The following RACGAP1 variants were observed in gnomAD, a reference collection of about 807,000 sequenced individuals.
The protein encoded by RACGAP1 is rac GTPase-activating protein 1.
Under a neutral mutation model 78.1 loss-of-function variants are expected in RACGAP1, and 30 were observed. The observed-to-expected ratio is 0.38, with a 90% confidence interval of 0.29 to 0.52. The LOEUF (loss-of-function observed/expected upper bound fraction) is 0.52, where lower values mean the gene tolerates loss of function less well. RACGAP1 is among the 20% of genes least tolerant of loss of function. The probability of loss-of-function intolerance (pLI) is 0.82; values close to 1 mark genes in which losing one functional copy is unlikely to be tolerated. For missense variants in RACGAP1, 587 were observed against 777.1 expected (o/e 0.76, Z 2.91); for synonymous variants, 231 against 264.8 (o/e 0.87, Z 1.24).
intron 7 of RACGAP1, among the ~76,000 whole-genome samples, chr12:50,000,302 C>T (rs868025236): frequency 5.9e-5 from 9 of 152,092 alleles, no homozygotes; most frequent in Non-Finnish European, 1.0e-4. Flanking sequence ...CGTGAGCCAC[C>T]GCGCCTGGCC....
chr12:50,003,569 G>A (rs908316771), intron 5 of RACGAP1, among the ~76,000 whole-genome samples: 2 of 152,062 alleles, frequency 1.3e-5, no homozygotes, highest in African/African-American at 4.8e-5. Flanking sequence ...GATTTGTTTT[G>A]TTTGCTAGTT....
At chr12:50,018,474 G>C (rs1949804665) in intron 1 of RACGAP1, 1 of 1,154,900 alleles carries the variant, frequency 8.7e-7, no homozygotes, top group African/African-American at 1.6e-5. Context: ...GGAATTCATG[G>C]AGATGCCATG....
intron 1 of RACGAP1, chr12:50,016,963 A>G (rs1949718420): frequency 8.0e-7 from 1 of 1,252,746 alleles, no homozygotes; most frequent in East Asian, 3.5e-5. Flanking sequence ...AGCCCCTCCA[A>G]TCACTTGGAG....
chr12:50,004,192 G>A (rs773589726), intron 5 of RACGAP1, 43 bp downstream of exon 5: 1 of 1,581,132 alleles, frequency 6.3e-7, no homozygotes, highest in East Asian at 2.3e-5. Context: ...GGGAAGCAGA[G>A]GTAAGAAAAG....
chr12:50,005,616 C>CT (rs1332197731), intron 3 of RACGAP1, among the ~76,000 whole-genome samples: 1 of 152,144 alleles, frequency 6.6e-6, no homozygotes. Context: ...GAAGTTTCTG[C>CT]TACAAGACTT....
chr12:50,025,153 C>T (rs1950219457), intron 1 of RACGAP1, among the ~76,000 whole-genome samples: 1 of 152,142 alleles, frequency 6.6e-6, no homozygotes, highest in African/African-American at 2.4e-5. Context: ...CTCAAAAAGA[C>T]GCCCCCGGCT....
At chr12:50,009,046 G>A (rs997784552) in intron 2 of RACGAP1, among the ~76,000 whole-genome samples, 1 of 151,834 alleles carries the variant, frequency 6.6e-6, no homozygotes, top group Non-Finnish European at 1.5e-5. Flanking sequence ...GGAGGCTAAG[G>A]CAGGCAGATC....
At position 50,006,492 on chromosome 12, in the gene RACGAP1, T is replaced by C. The variant is rs776339543; in HGVS notation, c.230A>G (p.Asn77Ser). The stretch of plus-strand genomic sequence containing the variant: ...CCGTTTGATCTCTACATCCACCTGA[T>C]TACGTGCATGCTTCAGCTTAACATC... ...ALDVKLKHAR[N>S]QVDVEIKRRQ... The change falls in exon 3 of 17, where the codon AAT becomes AGT. Residue 77 changes from asparagine (N) to serine (S), a missense_variant. By Grantham distance (46) the Asn-to-Ser change is conservative. Coordinates refer to ENST00000312377, the MANE Select transcript of RACGAP1 (RefSeq NM_001319999.2). 1.9e-6 allele frequency: 3 copies of C among 1,614,194 alleles called. No homozygotes were observed. The highest frequency in any genetic ancestry group is 1.7e-6 in the Non-Finnish European group (2 of 1,180,016).
intron 2 of RACGAP1, among the ~76,000 whole-genome samples, chr12:50,008,134 A>T (rs1443203876): frequency 1.4e-5 from 2 of 143,026 alleles, no homozygotes; most frequent in South Asian, 2.2e-4. Context: ...TACCTGATTA[A>T]TATATTACTT....
Position 49,997,479 on chromosome 12 carries a change from T to C in RACGAP1, c.880-275A>G, listed in dbSNP as rs370013638. Among the ~76,000 whole-genome samples the C allele has an allele frequency of 1.6e-4, 24 of 152,218 alleles. No homozygotes were observed. The South Asian group carries it at 4.6e-3, about 29-fold the overall frequency. On this transcript the variant is annotated intron_variant, in intron 9 of 16. Coordinates refer to ENST00000312377, the MANE Select transcript of RACGAP1 (RefSeq NM_001319999.2). The stretch of plus-strand genomic sequence containing the variant: ...TTAGTAGAGACAGGGTTTCACCATG[T>C]TGGCCAGGCTGGTCTCGAACTCCTG...
chr12:50,005,127 C>G, intron 4 of RACGAP1, 129 bp downstream of exon 4: 1 of 1,359,454 alleles, frequency 7.4e-7, no homozygotes, highest in Non-Finnish European at 1.0e-6. Flanking sequence ...ACCTACTCTC[C>G]CCACAAAATC....
rs765698830 is a variant in RACGAP1 at position 50,016,666 on chromosome 12, C to T, written c.50G>A (p.Arg17His). Residue 17 changes from arginine to histidine, a missense_variant, in exon 2 of 17, where the codon CGC becomes CAC. Arg to His is a conservative substitution (Grantham distance 29). Transcript: ENST00000312377. ...TCCTTCACTGAGAATCTCCACCCGG[C>T]GCACAAGCTGCTCAAACAGATTCCG... ...NVRNLFEQLVRRVEILSEGNE... is the reference protein window; with the variant it reads ...NVRNLFEQLVHRVEILSEGNE... The T allele has an allele frequency of 6.2e-6, 10 of 1,613,980 alleles. No individual in the cohort carries two copies. The highest frequency in any genetic ancestry group is 3.3e-5 in the Admixed American group (2 of 60,018).
At chr12:50,016,326 G>A (rs1224374728) in intron 2 of RACGAP1, among the ~76,000 whole-genome samples, 1 of 152,090 alleles carries the variant, frequency 6.6e-6, no homozygotes, top group Non-Finnish European at 1.5e-5. Flanking sequence ...AGGTTGCAGT[G>A]AGCCGAGATG....
chr12:49,994,300 G>T lies in RACGAP1; in HGVS notation c.1170C>A (p.Asp390Glu). Residue 390 changes from aspartate to glutamate, a missense_variant, in exon 12 of 17, where the codon GAC becomes GAA. Coordinates refer to ENST00000312377, the MANE Select transcript of RACGAP1 (RefSeq NM_001319999.2). ...ETGLYRISGCDRTVKELKEKF... is the reference protein window; with the variant it reads ...ETGLYRISGCERTVKELKEKF... ...TCTCTTTCAGCTCTTTTACTGTGCG[G>T]TCACAGCCAGAGATCCTATACAGGC... is the stretch of plus-strand genomic sequence containing the variant. 1 of 1,614,054 alleles carries T rather than the reference G, an allele frequency of 6.2e-7. No homozygotes were observed.
At position 49,992,072 on chromosome 12, in the gene RACGAP1, T is replaced by TG; in HGVS notation, c.1639dup (p.Gln547ProfsTer5). 6.2e-7 allele frequency: 1 copy of TG among 1,614,128 alleles called. No individual in the cohort carries two copies. Among genetic ancestry groups the TG allele is most frequent in the South Asian group, 1.1e-5 (1 of 91,086 alleles). ...GACATGTAGGGGGTCAATGTTCTCT[T>TG]GCTCCACCATCATGAACTGACTCCA... On this transcript the variant is annotated frameshift_variant, in exon 15 of 17. Transcript: ENST00000312377. LOFTEE classifies it high-confidence loss of function.
intron 2 of RACGAP1, among the ~76,000 whole-genome samples, chr12:50,011,448 C>T (rs1343412779): frequency 3.3e-5 from 5 of 151,906 alleles, no homozygotes. Flanking sequence ...AACATTTGCC[C>T]AGGTGCGGTA....
intron 10 of RACGAP1, among the ~76,000 whole-genome samples, chr12:49,996,028 A>G (rs1948238910): frequency 6.6e-6 from 1 of 152,162 alleles, no homozygotes; most frequent in Non-Finnish European, 1.5e-5. Flanking sequence ...AACAGACATA[A>G]AGGCTGGGTG....
chr12:49,997,247 G>C, intron 9 of RACGAP1, 43 bp from the exon 10 acceptor site: 1 of 1,293,768 alleles, frequency 7.7e-7, no homozygotes, highest in Non-Finnish European at 1.0e-6. Context: ...ATATGAATTA[G>C]AAAATTATCA....
chr12:50,004,184 G>A (rs1948840499), intron 5 of RACGAP1, 51 bp downstream of exon 5: 1 of 1,574,320 alleles, frequency 6.4e-7, no homozygotes. Flanking sequence ...TATTCCTGGG[G>A]AAGCAGAGGT....
Sources: gnomAD v4.1 joint callset for allele counts (sites outside exome capture counted in the v4.1 genomes callset) on GRCh38, gnomAD v4.1.1 for gene constraint, MANE v1.5 for transcripts, NCBI Gene and HGNC (gene_info 2026-07-23, HGNC 2026-07-21) for gene names.